Variants in CFAP276 observed in about 807,000 individuals in gnomAD.
CFAP276 encodes the protein cilia and flagella associated protein 276, also known as cilia- and flagella-associated protein 276.
At chr1:109,113,467 A>AGAGAGAGG in the CFAP276 span, among the ~76,000 whole-genome samples, 62 of 126,390 alleles carry the variant, frequency 4.9e-4, 4 homozygotes, top group Non-Finnish European at 8.4e-4. Context: ...AGAGAGAGAG[A>AGAGAGAGG]GGCCCACGTG....
the CFAP276 span, chr1:109,106,694 GA>G: frequency 6.2e-7 from 1 of 1,603,726 alleles, no homozygotes; most frequent in Non-Finnish European, 8.5e-7. Context: ...AGTGGAGAGT[GA>G]AATCAATCAG....
chr1:109,110,217 G>A, the CFAP276 span, among the ~76,000 whole-genome samples: 1 of 152,086 alleles, frequency 6.6e-6, no homozygotes, highest in South Asian at 2.1e-4. Flanking sequence ...TCTGACCCCA[G>A]CCTCACTTCA....
At chr1:109,112,141 C>T in the CFAP276 span, among the ~76,000 whole-genome samples, 1 of 152,196 alleles carries the variant, frequency 6.6e-6, no homozygotes, top group Non-Finnish European at 1.5e-5. Context: ...CAGTGTCCAC[C>T]ATCATGCTAA....
the CFAP276 span, chr1:109,106,566 C>T: frequency 6.2e-7 from 1 of 1,614,020 alleles, no homozygotes; most frequent in East Asian, 2.2e-5. Context: ...GGATGGACTC[C>T]TTTTTAGGGT....
chr1:109,111,649 A>G, the CFAP276 span, among the ~76,000 whole-genome samples: 2 of 152,014 alleles, frequency 1.3e-5, no homozygotes, highest in African/African-American at 2.4e-5. Flanking sequence ...CAGTTCCCCA[A>G]ATAAGCCATT....
At chr1:109,106,386 G>T in the CFAP276 span, 2 of 1,059,470 alleles carry the variant, frequency 1.9e-6, no homozygotes, top group African/African-American at 1.6e-5. Flanking sequence ...TATTAATCTG[G>T]TACTTGCCAA....
At chr1:109,112,853 C>A in the CFAP276 span, 1 of 1,134,772 alleles carries the variant, frequency 8.8e-7, no homozygotes, top group Non-Finnish European at 1.2e-6. Context: ...CACCTGGCGG[C>A]TGACCACGGG....
At chr1:109,110,172 C>T in the CFAP276 span, among the ~76,000 whole-genome samples, 11 of 152,316 alleles carry the variant, frequency 7.2e-5, no homozygotes, top group Admixed American at 7.2e-4. Context: ...CTTCCCTGGT[C>T]TTCTGAGACC....
the CFAP276 span, chr1:109,106,575 GTT>G: frequency 3.1e-6 from 5 of 1,613,972 alleles, no homozygotes; most frequent in Admixed American, 5.0e-5. Context: ...CCTTTTTAGG[GTT>G]GATCCAGTGT....
chr1:109,108,342 C>T, the CFAP276 span, among the ~76,000 whole-genome samples: 31,963 of 152,070 alleles, frequency 0.21, 4,870 homozygotes, highest in East Asian at 0.42. Context: ...AGAGTTTCAC[C>T]ATGTTGGCCA....
chr1:109,111,191 G>C, the CFAP276 span, among the ~76,000 whole-genome samples: 1 of 152,164 alleles, frequency 6.6e-6, no homozygotes, highest in South Asian at 2.1e-4. Context: ...ATGGGGCTGG[G>C]ACCCATGGCT....
chr1:109,113,557 C>A, the CFAP276 span: 1 of 1,494,396 alleles, frequency 6.7e-7, no homozygotes, highest in Non-Finnish European at 9.3e-7. Context: ...TCTCTTCTAG[C>A]CGGTTGTAAA....
chr1:109,107,785 G>A, the CFAP276 span: 7 of 665,326 alleles, frequency 1.1e-5, no homozygotes, highest in Non-Finnish European at 1.8e-5. Context: ...GGCAGAGGCA[G>A]GAGGATTGCC....
the CFAP276 span, chr1:109,113,525 G>A: frequency 3.0e-6 from 3 of 984,832 alleles, no homozygotes; most frequent in Non-Finnish European, 2.9e-6. Context: ...CTTAAACTCG[G>A]ATCAACTACA....
the CFAP276 span, chr1:109,106,153 T>G: frequency 3.4e-6 from 5 of 1,469,098 alleles, no homozygotes; most frequent in Non-Finnish European, 4.7e-6. Flanking sequence ...TGGCCTTTTC[T>G]AGGAAACTTT....
chr1:109,113,451 A>AGAGAGGGAGT, the CFAP276 span, among the ~76,000 whole-genome samples: 285 of 120,130 alleles, frequency 2.4e-3, 4 homozygotes, highest in East Asian at 0.012. Flanking sequence ...AGAGAGAGAG[A>AGAGAGGGAGT]GAGAGAGAGA....
At chr1:109,112,371 C>A in the CFAP276 span, among the ~76,000 whole-genome samples, 1 of 152,212 alleles carries the variant, frequency 6.6e-6, no homozygotes, top group African/African-American at 2.4e-5. Flanking sequence ...GCTGCCAGAG[C>A]CCCTTGTTCC....
At chr1:109,107,910 AT>A in the CFAP276 span, 1 of 1,592,924 alleles carries the variant, frequency 6.3e-7, no homozygotes, top group Non-Finnish European at 8.6e-7. Flanking sequence ...TAATATTTCA[AT>A]GCTAGGTACC....
At chr1:109,107,962 T>C in the CFAP276 span, 3 of 1,603,790 alleles carry the variant, frequency 1.9e-6, no homozygotes, top group Non-Finnish European at 2.6e-6. Flanking sequence ...ATGGAAGTAA[T>C]TGTGGGGGTT....
Sources: gnomAD v4.1 joint callset for allele counts (sites outside exome capture counted in the v4.1 genomes callset) on GRCh38, gnomAD v4.1.1 for gene constraint, MANE v1.5 for transcripts, NCBI Gene and HGNC (gene_info 2026-07-23, HGNC 2026-07-21) for gene names.